PRKN: variants seen among roughly 807,000 people sequenced by gnomAD.
The protein encoded by PRKN is parkin RBR E3 ubiquitin protein ligase.
Under a neutral mutation model 59.5 loss-of-function variants are expected in PRKN, and 56 were observed. That is an observed-to-expected ratio of 0.94 (90% confidence interval 0.76 to 1.18). PRKN has a LOEUF of 1.18. Among genes scored for constraint, PRKN ranks in the 50% most tolerant of loss-of-function variants. PRKN has a pLI of 0.00. For missense variants in PRKN, 657 were observed against 596.4 expected (o/e 1.10, Z -1.06); for synonymous variants, 250 against 222.1 (o/e 1.13, Z -1.12).
At position 161,561,506 on chromosome 6, in the gene PRKN, T is replaced by G. The variant is rs1780453118; in HGVS notation, c.933+7849A>C. Among the ~76,000 whole-genome samples the G allele has an allele frequency of 6.6e-6, 1 of 152,136 alleles. No homozygotes were observed. Among genetic ancestry groups the G allele is most frequent in the Non-Finnish European group, 1.5e-5 (1 of 68,036 alleles). On this transcript the variant is annotated intron_variant, in intron 8 of 11. Coordinates refer to ENST00000366898, the MANE Select transcript of PRKN (RefSeq NM_004562.3). The surrounding 1 kb of genome is among the most constrained non-coding windows in gnomAD (Gnocchi z 5.0). ...AGACGCAGCAGTGAAAAATGACATCTTCCTTCGTGGAGCCATCATACTGCA... is the reference window on the plus strand; with the variant it reads ...AGACGCAGCAGTGAAAAATGACATCGTCCTTCGTGGAGCCATCATACTGCA...
intron 2 of PRKN, among the ~76,000 whole-genome samples, chr6:162,348,961 A>C (rs1463971322): frequency 6.6e-6 from 1 of 152,198 alleles, no homozygotes; most frequent in Non-Finnish European, 1.5e-5. Context: ...AAAAATATAA[A>C]GACAGATTAT....
chr6:162,242,792 C>G (rs572044021), intron 3 of PRKN, among the ~76,000 whole-genome samples: 3 of 152,200 alleles, frequency 2.0e-5, no homozygotes, highest in African/African-American at 7.2e-5. Context: ...AGTTTCTGGA[C>G]TGCATTTTCG....
intron 7 of PRKN, among the ~76,000 whole-genome samples, chr6:161,573,066 G>A (rs1451875663): frequency 6.6e-6 from 1 of 152,150 alleles, no homozygotes; most frequent in Admixed American, 6.5e-5. Context: ...AGGCAAGGGA[G>A]GCTTCCCCTG....
Position 161,462,268 on chromosome 6 carries a change from G to C in PRKN, c.1084-75391C>G, listed in dbSNP as rs1213115854. ...GCCTGAATCATTTACATCTAACAATGTTATCTAGACAGCATGCTTTTATTC... is the reference window on the plus strand; with the variant it reads ...GCCTGAATCATTTACATCTAACAATCTTATCTAGACAGCATGCTTTTATTC... On this transcript the variant is annotated intron_variant, in intron 9 of 11. Transcript: ENST00000366898. This position sits in a 1 kb window ranked among gnomAD's most constrained non-coding sequence, Gnocchi z 4.5. Among the ~76,000 whole-genome samples, 5 of 152,140 alleles carry C rather than the reference G, an allele frequency of 3.3e-5. No individual in the cohort carries two copies. Among genetic ancestry groups the C allele is most frequent in the Non-Finnish European group, 7.4e-5 (5 of 68,026 alleles).
chr6:162,623,942 G>A (rs938291726), intron 1 of PRKN, among the ~76,000 whole-genome samples: 5 of 152,142 alleles, frequency 3.3e-5, no homozygotes, highest in African/African-American at 9.6e-5. Flanking sequence ...CAAAGACACC[G>A]TTTTTCTCAA....
intron 2 of PRKN, among the ~76,000 whole-genome samples, chr6:162,393,160 T>TTTTTTTTTTTTTTTTTTTTTTC: frequency 7.7e-6 from 1 of 129,550 alleles, no homozygotes; most frequent in African/African-American, 3.0e-5. Context: ...AGATTCTTTT[T>TTTTTTTTTTTTTTTTTTTTTTC]TTTTTTTTTT....
chr6:161,753,747 A>G (rs2128195601), intron 7 of PRKN, among the ~76,000 whole-genome samples: 1 of 152,294 alleles, frequency 6.6e-6, no homozygotes, highest in South Asian at 2.1e-4. Context: ...CTCTCCTGGT[A>G]ATGGGAACAC....
At chr6:161,523,739 A>C (rs518666) in intron 9 of PRKN, among the ~76,000 whole-genome samples, 2 of 152,130 alleles carry the variant, frequency 1.3e-5, no homozygotes, top group African/African-American at 4.8e-5. Context: ...ATTTCATGGA[A>C]AGTAAGTATT....
At chr6:162,088,155 A>G (rs1043013509) in intron 4 of PRKN, among the ~76,000 whole-genome samples, 5 of 152,188 alleles carry the variant, frequency 3.3e-5, no homozygotes, top group Non-Finnish European at 5.9e-5. Context: ...AATTGGGCAA[A>G]GAAACAAAAA....
chr6:162,715,469 C>T (rs1778687588), intron 1 of PRKN, among the ~76,000 whole-genome samples: 1 of 152,164 alleles, frequency 6.6e-6, no homozygotes, highest in Admixed American at 6.5e-5. Context: ...GGGTTTGTTT[C>T]TTCTGATTAT....
At chr6:161,603,742 T>A (rs1782182769) in intron 7 of PRKN, among the ~76,000 whole-genome samples, 1 of 152,182 alleles carries the variant, frequency 6.6e-6, no homozygotes, top group African/African-American at 2.4e-5. Context: ...GGAACCCATG[T>A]GGGACAAAAT....
At chr6:162,292,033 G>A (rs1055826341) in intron 2 of PRKN, among the ~76,000 whole-genome samples, 10 of 147,382 alleles carry the variant, frequency 6.8e-5, no homozygotes, top group African/African-American at 1.5e-4. Flanking sequence ...GCGGGATCTC[G>A]CCTCACTGCC....
chr6:162,423,645 T>C (rs1029545792), intron 2 of PRKN, among the ~76,000 whole-genome samples: 2 of 152,166 alleles, frequency 1.3e-5, no homozygotes, highest in Non-Finnish European at 2.9e-5. Context: ...GTTTCCTCTA[T>C]TCTCTTACCA....
Position 161,362,329 on chromosome 6 carries a change from C to A in PRKN, c.1168-2124G>T, listed in dbSNP as rs1013208753. Among the ~76,000 whole-genome samples, 3 of 152,172 alleles carry A rather than the reference C, an allele frequency of 2.0e-5. No individual in the cohort carries two copies. Among genetic ancestry groups the A allele is most frequent in the Non-Finnish European group, 4.4e-5 (3 of 68,034 alleles). On this transcript the variant is annotated intron_variant, in intron 10 of 11. Transcript: ENST00000366898. The surrounding 1 kb of genome is among the most constrained non-coding windows in gnomAD (Gnocchi z 5.2). ...CCTGGTTCGGGAGGAAGGAACCTGGCATTTGCTGTGGGGCTATCTTCTTAG... is the reference window on the plus strand; with the variant it reads ...CCTGGTTCGGGAGGAAGGAACCTGGAATTTGCTGTGGGGCTATCTTCTTAG...
chr6:161,469,329 G>A (rs1032138230), intron 9 of PRKN, among the ~76,000 whole-genome samples: 18 of 152,112 alleles, frequency 1.2e-4, no homozygotes, highest in African/African-American at 2.7e-4. Context: ...GGTGCCTTCC[G>A]CCATGATGTA....
chr6:162,448,762 C>G (rs1300121528), intron 1 of PRKN, among the ~76,000 whole-genome samples: 1 of 152,040 alleles, frequency 6.6e-6, no homozygotes, highest in African/African-American at 2.4e-5. Flanking sequence ...CTCCCAAATC[C>G]TTATTTCCAG....
chr6:162,340,436 A>G (rs1784123256), intron 2 of PRKN, among the ~76,000 whole-genome samples: 3 of 152,228 alleles, frequency 2.0e-5, no homozygotes, highest in South Asian at 2.1e-4. Context: ...CTGAATACCA[A>G]TGTCTAGACA....
chr6:162,121,043 A>G (rs1780889935), intron 4 of PRKN, among the ~76,000 whole-genome samples: 1 of 152,174 alleles, frequency 6.6e-6, no homozygotes, highest in African/African-American at 2.4e-5. Context: ...GATCAGGCAA[A>G]TTAATTCATA....
At position 161,582,985 on chromosome 6, in the gene PRKN, C is replaced by T. The variant is rs959528445; in HGVS notation, c.872-13569G>A. On this transcript the variant is annotated intron_variant, in intron 7 of 11. Transcript: ENST00000366898. The surrounding 1 kb of genome is among the most constrained non-coding windows in gnomAD (Gnocchi z 4.4). ...TGGCCTATTCCAACACACACACACA[C>T]ACACACACACACACACACACACACA... 4.4e-4 allele frequency among the ~76,000 whole-genome samples: 58 copies of T among 131,190 alleles called. No individual in the cohort carries two copies. The highest frequency in any genetic ancestry group is 8.7e-4 in the Non-Finnish European group (52 of 59,916). 86.1% of individuals were successfully genotyped at this position (131,190 alleles called of 152,430 possible). A position where few individuals can be genotyped will look rare whatever the true frequency, so the allele number is the denominator to read the frequency against.
Sources: allele counts gnomAD v4.1 joint callset (sites outside exome capture counted in the v4.1 genomes callset), GRCh38; gene constraint gnomAD v4.1.1; non-coding constraint Gnocchi (gnomAD v3.1); transcripts MANE v1.5; gene names NCBI Gene and HGNC (gene_info 2026-07-23, HGNC 2026-07-21).